The following DHX32 variants were observed in gnomAD, a reference collection of about 807,000 sequenced individuals.
The protein encoded by DHX32 is DEAH-box helicase 32 (putative).
In DHX32, 51 loss-of-function variants were observed where a neutral mutation model predicts 70.0. The observed-to-expected ratio is 0.73, with a 90% confidence interval of 0.58 to 0.92. DHX32 has a LOEUF of 0.92. Among genes scored for constraint, DHX32 ranks in the 40% least tolerant of loss-of-function variants. The pLI, the probability that DHX32 is intolerant of heterozygous loss-of-function variation, is 0.00. For synonymous variants in DHX32, 310 were observed against 315.3 expected (o/e 0.98, Z 0.18); for missense variants, 762 against 891.8 (o/e 0.85, Z 1.85).
chr10:125,857,727 T>C (rs1476354631), intron 3 of DHX32, among the ~76,000 whole-genome samples: 1 of 152,142 alleles, frequency 6.6e-6, no homozygotes, highest in Non-Finnish European at 1.5e-5. Flanking sequence ...TCTAAGACCA[T>C]CTGCACCTCA....
chr10:125,836,819 A>G lies in DHX32; in HGVS notation c.2100T>C (p.Asn700=), dbSNP rs768237004. ...TGTCCTTACTTTCACTAGGAGGCAG[A>G]TTACTGAAATAGTATTGTGGTACCA... ...MQLVPQYYFS[N]LPPSESKDIL... The change falls in exon 11 of 11, where the codon AAT becomes AAC. Residue 700 remains asparagine, a synonymous_variant. Transcript: ENST00000284690. 1.9e-5 allele frequency: 31 copies of G among 1,614,190 alleles called. No individual in the cohort carries two copies. The Admixed American group carries it at 3.3e-4, about 17-fold the overall frequency.
intron 1 of DHX32, among the ~76,000 whole-genome samples, chr10:125,867,667 C>T (rs1168584293): frequency 8.9e-5 from 13 of 145,624 alleles, no homozygotes; most frequent in East Asian, 4.1e-4. Flanking sequence ...ACCCGGGAGG[C>T]GGAGCTTGCA....
intron 1 of DHX32, 80 bp downstream of exon 1, chr10:125,880,463 C>T: frequency 7.0e-7 from 1 of 1,428,410 alleles, no homozygotes. Flanking sequence ...ATTATTAGAA[C>T]ACTAGGCTGT....
At chr10:125,890,189 A>G (rs1354772370) in intron 1 of DHX32, among the ~76,000 whole-genome samples, 1 of 152,302 alleles carries the variant, frequency 6.6e-6, no homozygotes, top group African/African-American at 2.4e-5. Context: ...CATGGTATAG[A>G]TAGATTTGTA....
At chr10:125,851,765 A>T (rs1944091954) in intron 6 of DHX32, among the ~76,000 whole-genome samples, 1 of 151,994 alleles carries the variant, frequency 6.6e-6, no homozygotes, top group South Asian at 2.1e-4. Context: ...CTACAAAGGA[A>T]ATCTACATTA....
At chr10:125,879,790 G>A (rs1481013127) in intron 1 of DHX32, among the ~76,000 whole-genome samples, 3 of 151,966 alleles carry the variant, frequency 2.0e-5, no homozygotes, top group Non-Finnish European at 2.9e-5. Flanking sequence ...TAGCTGGGAC[G>A]ACAGGCATGC....
At position 125,836,383 on chromosome 10, in the gene DHX32, AAGT is replaced by A; in HGVS notation, c.*301_*303del. On this transcript the variant is annotated 3_prime_UTR_variant, in exon 11 of 11. Coordinates refer to ENST00000284690, the MANE Select transcript of DHX32 (RefSeq NM_018180.3). ...TATTCAGATTAAGTTCCTCTACAAAAAGTAGGGTTCTGTCCCATGTGTCTCTGA... is the reference window on the plus strand; with the variant it reads ...TATTCAGATTAAGTTCCTCTACAAAAAGGGTTCTGTCCCATGTGTCTCTGA... The A allele has an allele frequency of 1.3e-6, 2 of 1,557,360 alleles. No homozygotes were observed. The highest frequency in any genetic ancestry group is 2.4e-5 in the South Asian group (2 of 83,896).
intron 1 of DHX32, among the ~76,000 whole-genome samples, chr10:125,888,885 C>A (rs1427488595): frequency 6.6e-6 from 1 of 152,290 alleles, no homozygotes; most frequent in Non-Finnish European, 1.5e-5. Flanking sequence ...CATAGTGAAA[C>A]CCCGTCTCTA....
At chr10:125,856,538 G>A (rs920153146) in intron 3 of DHX32, among the ~76,000 whole-genome samples, 1 of 152,228 alleles carries the variant, frequency 6.6e-6, no homozygotes, top group Non-Finnish European at 1.5e-5. Context: ...TTCACAGCAG[G>A]TGTGGTGCTA....
At position 125,859,899 on chromosome 10, in the gene DHX32, C is replaced by CT. The variant is rs1460922918; in HGVS notation, c.552dup (p.Asp185ArgfsTer2). On this transcript the variant is annotated frameshift_variant, in exon 3 of 11. Transcript: ENST00000284690. LOFTEE classifies it high-confidence loss of function. ...GCAATGCTTCTTTCATGAATATCATCTAAGATGATGACCCCATAGCTACCC... is the reference window on the plus strand; with the variant it reads ...GCAATGCTTCTTTCATGAATATCATCTTAAGATGATGACCCCATAGCTACCC... 4 of 1,613,946 alleles carry CT rather than the reference C, an allele frequency of 2.5e-6. No individual in the cohort carries two copies. The highest frequency in any genetic ancestry group is 3.4e-6 in the Non-Finnish European group (4 of 1,179,932).
intron 8 of DHX32, 102 bp from the exon 9 acceptor site, chr10:125,839,290 C>G (rs2134023048): frequency 8.1e-7 from 1 of 1,236,858 alleles, no homozygotes; most frequent in Non-Finnish European, 1.1e-6. Flanking sequence ...GCTCTCCTCT[C>G]CTACAAAGGA....
chr10:125,853,234 T>A (rs777394054), intron 4 of DHX32: 1 of 1,605,602 alleles, frequency 6.2e-7, no homozygotes, highest in East Asian at 2.2e-5. Flanking sequence ...TTGGAATTGC[T>A]CTGTCATAAT....
chr10:125,892,787 C>G (rs1219764428), intron 1 of DHX32, among the ~76,000 whole-genome samples: 3 of 152,404 alleles, frequency 2.0e-5, no homozygotes, highest in East Asian at 3.8e-4. Flanking sequence ...TCTATAATCA[C>G]ATTTATCTTG....
At chr10:125,859,481 G>A in intron 3 of DHX32, 122 bp downstream of exon 3, 1 of 1,045,034 alleles carries the variant, frequency 9.6e-7, no homozygotes, top group Non-Finnish European at 1.3e-6. Flanking sequence ...TTTATTTAAT[G>A]AGGTGTGATG....
chr10:125,851,970 T>C (rs1273155924), intron 6 of DHX32, among the ~76,000 whole-genome samples: 1 of 150,940 alleles, frequency 6.6e-6, no homozygotes, highest in African/African-American at 2.4e-5. Context: ...TTCAAGCTGC[T>C]GAGAATTCTT....
At position 125,840,887 on chromosome 10, in the gene DHX32, G is replaced by A. The variant is rs17153657; in HGVS notation, c.1653C>T (p.Tyr551=). 2.9e-4 allele frequency: 463 copies of A among 1,608,312 alleles called. 1 individual carries two copies. Among genetic ancestry groups the A allele is most frequent in the Non-Finnish European group, 3.4e-4 (400 of 1,175,790 alleles). The change falls in exon 8 of 11, where the codon TAC becomes TAT. Residue 551 remains tyrosine, a synonymous_variant. Transcript: ENST00000284690. The part of the protein sequence containing the change: ...EGDHFTLISI[Y]KAYQDTTLNS... ...TCAGAGTTGTGTCTTGGTAAGCCTTGTAAATGCTGATGAGGGTAAAGTGAT... is the reference window on the plus strand; with the variant it reads ...TCAGAGTTGTGTCTTGGTAAGCCTTATAAATGCTGATGAGGGTAAAGTGAT...
At chr10:125,860,600 G>T (rs1944180535) in intron 2 of DHX32, among the ~76,000 whole-genome samples, 1 of 152,034 alleles carries the variant, frequency 6.6e-6, no homozygotes, top group Non-Finnish European at 1.5e-5. Context: ...GTGGGGAGAG[G>T]TCATTAGTGA....
chr10:125,862,881 T>G (rs1279165623), intron 2 of DHX32, among the ~76,000 whole-genome samples: 1 of 151,964 alleles, frequency 6.6e-6, no homozygotes, highest in African/African-American at 2.4e-5. Context: ...AAAAAACTAC[T>G]TTTTTTCTAT....
At position 125,853,999 on chromosome 10, in the gene DHX32, C is replaced by T. The variant is rs537558196; in HGVS notation, c.1054G>A (p.Val352Ile). 3.2e-5 allele frequency: 51 copies of T among 1,613,996 alleles called. No individual in the cohort carries two copies. The highest frequency in any genetic ancestry group is 4.2e-5 in the Non-Finnish European group (50 of 1,179,962). Residue 352 changes from valine to isoleucine, a missense_variant, in exon 4 of 11, where the codon GTC becomes ATC. This residue lies in a region of DHX32 where 394 missense variants were observed against 473.1 expected (regional missense o/e 0.83). Transcript: ENST00000284690. ...SGEFLIWSNSVRFVIDVGVER... is the reference protein window; with the variant it reads ...SGEFLIWSNSIRFVIDVGVER... ...ACACCCACATCGATAACAAATCTGA[C>T]TGAGTTGCTCCAGATCAAAAACTCT... is the stretch of plus-strand genomic sequence containing the variant.
Sources: allele counts gnomAD v4.1 joint callset (sites outside exome capture counted in the v4.1 genomes callset), GRCh38; gene constraint gnomAD v4.1.1; regional missense constraint gnomAD v4.1.1; transcripts MANE v1.5; gene names NCBI Gene and HGNC (gene_info 2026-07-23, HGNC 2026-07-21).